Variants in HSD11B1 observed in about 807,000 individuals in gnomAD.
The protein encoded by HSD11B1 is 11-beta-hydroxysteroid dehydrogenase 1.
HSD11B1 carries 15 observed loss-of-function variants against 22.1 expected under a neutral mutation model. The ratio of observed to expected loss-of-function variants is 0.68; its 90% confidence interval spans 0.45 to 1.04. The LOEUF is 1.04. HSD11B1 is among the 50% of genes least tolerant of loss of function. HSD11B1 has a pLI of 0.00. For synonymous variants in HSD11B1, 122 were observed against 125.2 expected (o/e 0.97, Z 0.17); for missense variants, 281 against 357.6 (o/e 0.79, Z 1.73).
At position 209,732,358 on chromosome 1, in the gene HSD11B1, G is replaced by C. The variant is rs1166867681; in HGVS notation, c.518-78G>C. Reference sequence around the variant, plus strand: ...AAAGGGGTAAAAGGACACCATAGGAGTTACAAAGCCTACTACAGCTCTGTA... The same window carrying C: ...AAAGGGGTAAAAGGACACCATAGGACTTACAAAGCCTACTACAGCTCTGTA... On this transcript the variant is annotated intron_variant, in intron 4 of 5. Transcript: ENST00000367027. 10 of 1,495,234 alleles carry C rather than the reference G, an allele frequency of 6.7e-6. No homozygotes were observed. The Admixed American group carries it at 1.3e-4, about 20-fold the overall frequency. 92.6% of individuals were successfully genotyped at this position (1,495,234 alleles called of 1,614,324 possible).
upstream of HSD11B1, among the ~76,000 whole-genome samples, chr1:209,700,489 C>G (rs961394306): frequency 2.3e-4 from 35 of 152,280 alleles, no homozygotes; most frequent in African/African-American, 7.9e-4. Flanking sequence ...GGACCCTGGG[C>G]CCACCCATGA....
rs757328952 is a variant in HSD11B1 at position 209,706,952 on chromosome 1, A to G, written c.341A>G (p.Asp114Gly). ...TAGCCATCTCTTGCAGGAGGACTAG[A>G]CATGCTCATTCTCAACCACATCACC... is the stretch of plus-strand genomic sequence containing the variant. ...AQAGKLMGGL[D>G]MLILNHITNT... Residue 114 changes from aspartate (D) to glycine (G), a missense_variant, in exon 4 of 6, where the codon GAC becomes GGC. By Grantham distance (94) the Asp-to-Gly change is moderately conservative (BLOSUM62 -1). Coordinates refer to ENST00000367027, the MANE Select transcript of HSD11B1 (RefSeq NM_005525.4). This position sits in a 1 kb window ranked among gnomAD's most constrained non-coding sequence, Gnocchi z 4.0. The G allele has an allele frequency of 1.2e-6, 2 of 1,614,034 alleles. No individual in the cohort carries two copies. Among genetic ancestry groups the G allele is most frequent in the Admixed American group, 3.3e-5 (2 of 60,026 alleles).
At chr1:209,728,413 G>A (rs900277269) in intron 4 of HSD11B1, among the ~76,000 whole-genome samples, 4 of 152,086 alleles carry the variant, frequency 2.6e-5, no homozygotes, top group Non-Finnish European at 5.9e-5. Context: ...TTTGTGCTAA[G>A]TATATTACAT....
At chr1:209,722,971 C>T (rs1467548007) in intron 4 of HSD11B1, among the ~76,000 whole-genome samples, 1 of 152,158 alleles carries the variant, frequency 6.6e-6, no homozygotes, top group Non-Finnish European at 1.5e-5. Flanking sequence ...CTCTTCTACT[C>T]AGCTAATAAG....
At chr1:209,705,081 G>C in intron 1 of HSD11B1, 51 bp downstream of exon 1, 1 of 1,406,580 alleles carries the variant, frequency 7.1e-7, no homozygotes, top group Non-Finnish European at 1.0e-6. Flanking sequence ...AAAACACAGG[G>C]GTGCTTGAGT....
intron 4 of HSD11B1, among the ~76,000 whole-genome samples, chr1:209,720,060 C>A (rs1045369473): frequency 5.3e-5 from 8 of 152,094 alleles, no homozygotes; most frequent in Admixed American, 2.6e-4. Context: ...AACAAACCTG[C>A]ATGTCATGCA....
chr1:209,726,305 C>T, intron 4 of HSD11B1, among the ~76,000 whole-genome samples: 1 of 105,194 alleles, frequency 9.5e-6, no homozygotes, highest in Non-Finnish European at 2.0e-5. Context: ...AAAAAAAAAA[C>T]CAAAAATATT....
At chr1:209,721,340 G>C (rs954827317) in intron 4 of HSD11B1, among the ~76,000 whole-genome samples, 1 of 151,928 alleles carries the variant, frequency 6.6e-6, no homozygotes, top group Non-Finnish European at 1.5e-5. Flanking sequence ...GTATTTGGGG[G>C]AGATGGGACA....
intron 4 of HSD11B1, among the ~76,000 whole-genome samples, chr1:209,708,799 G>C (rs564075356): frequency 3.9e-5 from 6 of 152,208 alleles, no homozygotes; most frequent in Non-Finnish European, 8.8e-5. Flanking sequence ...CCAAGGACGT[G>C]ATGAAATTCT....
chr1:209,696,523 C>G (rs1336513569), intron 1 of HSD11B1, among the ~76,000 whole-genome samples: 2 of 152,056 alleles, frequency 1.3e-5, no homozygotes, highest in African/African-American at 4.8e-5. Context: ...ACTCATCCAT[C>G]AACACAAAGG....
At chr1:209,709,980 C>T (rs1291622247) in intron 4 of HSD11B1, among the ~76,000 whole-genome samples, 2 of 144,354 alleles carry the variant, frequency 1.4e-5, no homozygotes, top group Non-Finnish European at 3.0e-5. Context: ...ACACAAAAGA[C>T]TCATTCCCTC....
At chr1:209,709,937 AACACACACACACACAC>A (rs71143893) in intron 4 of HSD11B1, among the ~76,000 whole-genome samples, 3,073 of 143,892 alleles carry the variant, frequency 0.021, 111 homozygotes, top group African/African-American at 0.072. Flanking sequence ...CCACATGTGA[AACACACACACACACAC>A]ACACACACAC....
intron 4 of HSD11B1, among the ~76,000 whole-genome samples, chr1:209,722,629 A>C (rs1056503866): frequency 1.3e-5 from 2 of 152,214 alleles, no homozygotes; most frequent in South Asian, 2.1e-4. Context: ...ACAACTAAAG[A>C]GTTTAGACCA....
Position 209,729,020 on chromosome 1 carries a change from C to T in HSD11B1, c.518-3416C>T, listed in dbSNP as rs115302765. ...GGATAACTATCAATAAGAAGTAAGT[C>T]CAGCTCTCAGATACAGAAAACCTAA... On this transcript the variant is annotated intron_variant, in intron 4 of 5. Transcript: ENST00000367027. 8.4e-3 allele frequency among the ~76,000 whole-genome samples: 1,282 copies of T among 152,102 alleles called. 12 individuals carry two copies. Among genetic ancestry groups the T allele is most frequent in the African/African-American group, 0.028 (1,166 of 41,470 alleles).
upstream of HSD11B1, among the ~76,000 whole-genome samples, chr1:209,700,101 G>A (rs1014110492): frequency 2.6e-5 from 4 of 152,162 alleles, no homozygotes; most frequent in Non-Finnish European, 4.4e-5. Context: ...CTACCATTCT[G>A]GGGTCTGGAG....
chr1:209,731,417 A>G lies in HSD11B1; in HGVS notation c.518-1019A>G, dbSNP rs563074256. 2.6e-5 allele frequency among the ~76,000 whole-genome samples: 4 copies of G among 152,328 alleles called. No homozygotes were observed. In the South Asian group the frequency reaches 8.3e-4, roughly 32 times the overall value. The stretch of plus-strand genomic sequence containing the variant: ...AATACAAAATTAACACCCATACAAG[A>G]ATAGTAAATATGACCCATACTTAGG... On this transcript the variant is annotated intron_variant, in intron 4 of 5. Transcript: ENST00000367027.
At chr1:209,725,720 A>G (rs549829114) in intron 4 of HSD11B1, among the ~76,000 whole-genome samples, 1 of 152,230 alleles carries the variant, frequency 6.6e-6, no homozygotes, top group South Asian at 2.1e-4. Context: ...TCATTTATGG[A>G]TAAAGCCACT....
At chr1:209,730,739 A>C (rs923485035) in intron 4 of HSD11B1, among the ~76,000 whole-genome samples, 2 of 152,260 alleles carry the variant, frequency 1.3e-5, no homozygotes, top group Non-Finnish European at 2.9e-5. Context: ...TTTATTAAAT[A>C]ACCCATCCTT....
chr1:209,708,730 T>C (rs573368062), intron 4 of HSD11B1, among the ~76,000 whole-genome samples: 10 of 152,374 alleles, frequency 6.6e-5, no homozygotes, highest in African/African-American at 2.4e-4. Context: ...CGAATGTAAC[T>C]TTCTAGAATG....
Sources: allele counts gnomAD v4.1 joint callset (sites outside exome capture counted in the v4.1 genomes callset), GRCh38; gene constraint gnomAD v4.1.1; non-coding constraint Gnocchi (gnomAD v3.1); transcripts MANE v1.5; gene names NCBI Gene and HGNC (gene_info 2026-07-23, HGNC 2026-07-21).